The following AGO3 variants were observed in gnomAD, a reference collection of about 807,000 sequenced individuals.
AGO3 encodes protein argonaute-3.
Under a neutral mutation model 105.5 loss-of-function variants are expected in AGO3, and 16 were observed. The ratio of observed to expected loss-of-function variants is 0.15; its 90% CI spans 0.10 to 0.23. The LOEUF (loss-of-function observed/expected upper bound fraction) is 0.23, where lower values mean the gene tolerates loss of function less well. AGO3 is among the 10% of genes least tolerant of loss of function. The probability of loss-of-function intolerance (pLI) is 1.00; values close to 1 mark genes in which losing one functional copy is unlikely to be tolerated. For missense variants in AGO3, 534 were observed against 1,088.0 expected (o/e 0.49, Z 7.16); for synonymous variants, 340 against 367.3 (o/e 0.93, Z 0.85).
Position 36,027,152 on chromosome 1 carries a change from C to T in AGO3, c.1445C>T (p.Ala482Val). ...TDQLRKISKDAGMPIQGQPCF... is the reference protein window; with the variant it reads ...TDQLRKISKDVGMPIQGQPCF... ...CAGCTGCGTAAGATTTCTAAGGATG[C>T]AGGGATGCCCATCCAGGGCCAGCCA... is the stretch of plus-strand genomic sequence containing the variant. Residue 482 changes from alanine (A) to valine (V), a missense_variant, in exon 12 of 19, where the codon GCA becomes GTA. Physicochemically the swap from Ala to Val is moderately conservative, Grantham distance 64. This residue lies in a region of AGO3 where 373 missense variants were observed against 854.0 expected (regional missense o/e 0.44). Transcript: ENST00000373191. This position sits in a 1 kb window ranked among gnomAD's most constrained non-coding sequence, Gnocchi z 4.0. 1 of 1,613,926 alleles carries T rather than the reference C, an allele frequency of 6.2e-7. No individual in the cohort carries two copies. Among genetic ancestry groups the T allele is most frequent in the Non-Finnish European group, 8.5e-7 (1 of 1,179,856 alleles).
intron 2 of AGO3, among the ~76,000 whole-genome samples, chr1:35,948,014 C>G (rs1646398792): frequency 6.6e-6 from 1 of 152,056 alleles, no homozygotes; most frequent in Non-Finnish European, 1.5e-5. Flanking sequence ...TGTGATTGTG[C>G]CTGTGAACAG....
rs1458274126 is a variant in AGO3 at position 36,027,944 on chromosome 1, T to C, written c.1591+646T>C. Among the ~76,000 whole-genome samples the C allele has an allele frequency of 5.3e-5, 8 of 152,212 alleles. No homozygotes were observed. The highest frequency in any genetic ancestry group is 1.5e-5 in the Non-Finnish European group (1 of 68,042). Reference sequence around the variant, plus strand: ...TAAACTGTGTTGCTCAATATTCAGGTACTGCCGGTTCTACTACCTGTGTGA... The same window carrying C: ...TAAACTGTGTTGCTCAATATTCAGGCACTGCCGGTTCTACTACCTGTGTGA... On this transcript the variant is annotated intron_variant, in intron 12 of 18. Coordinates refer to ENST00000373191, the MANE Select transcript of AGO3 (RefSeq NM_024852.4). The surrounding 1 kb of genome is among the most constrained non-coding windows in gnomAD (Gnocchi z 4.0).
intron 1 of AGO3, among the ~76,000 whole-genome samples, chr1:35,936,720 G>A (rs1325185587): frequency 6.6e-6 from 1 of 152,168 alleles, no homozygotes; most frequent in Non-Finnish European, 1.5e-5. Flanking sequence ...GTCTATTGAT[G>A]TGAGACATTT....
intron 13 of AGO3, 127 bp downstream of exon 13, chr1:36,034,460 G>A (rs531785919): frequency 3.6e-5 from 22 of 618,234 alleles, no homozygotes; most frequent in Non-Finnish European, 5.1e-5. Context: ...TGGGAGATTC[G>A]TAGACATTTT....
intron 1 of AGO3, among the ~76,000 whole-genome samples, chr1:35,933,512 C>G (rs1203641095): frequency 6.6e-6 from 1 of 151,786 alleles, no homozygotes; most frequent in Non-Finnish European, 1.5e-5. Flanking sequence ...AATTGTGGCA[C>G]ATGTCTCCAG....
chr1:35,984,904 G>A (rs1407387476), intron 5 of AGO3, among the ~76,000 whole-genome samples: 2 of 152,118 alleles, frequency 1.3e-5, no homozygotes, highest in African/African-American at 2.4e-5. Flanking sequence ...CGATTTCTGA[G>A]GTCTCTAAGA....
intron 11 of AGO3, among the ~76,000 whole-genome samples, chr1:36,019,295 C>G (rs1641086253): frequency 6.6e-6 from 1 of 152,220 alleles, no homozygotes; most frequent in African/African-American, 2.4e-5. Flanking sequence ...CTTCCAGTGA[C>G]TATTTCATAA....
At chr1:35,939,533 G>A (rs1338360673) in intron 1 of AGO3, among the ~76,000 whole-genome samples, 1 of 152,172 alleles carries the variant, frequency 6.6e-6, no homozygotes, top group Non-Finnish European at 1.5e-5. Flanking sequence ...CTGTGTGTAT[G>A]TCAGGGCAGG....
rs189973363 is a variant in AGO3, at chr1:35,956,981, G to T, written c.192-9974G>T. On this transcript the variant is annotated intron_variant, in intron 2 of 18. Coordinates refer to ENST00000373191, the MANE Select transcript of AGO3 (RefSeq NM_024852.4). ...TCATGATTTTCAAGGAACAAAGTTT[G>T]ATTACAGTGGCAAATGCTAAACAAA... Among the ~76,000 whole-genome samples, 1,033 of 151,864 alleles carry T rather than the reference G, an allele frequency of 6.8e-3. 9 individuals are homozygous for T. Among genetic ancestry groups the T allele is most frequent in the African/African-American group, 0.022 (904 of 41,462 alleles).
Position 36,009,460 on chromosome 1 carries a change from T to C in AGO3, c.1030-15T>C. 6.2e-7 allele frequency: 1 copy of C among 1,602,660 alleles called. No individual in the cohort carries two copies. Among genetic ancestry groups the C allele is most frequent in the Non-Finnish European group, 8.5e-7 (1 of 1,176,530 alleles). The stretch of plus-strand genomic sequence containing the variant: ...AGATATATACATGTAGTACAAAACT[T>C]TTTTCCATTTGTAGGTCTGTAATAT... On this transcript the variant is annotated splice_polypyrimidine_tract_variant and intron_variant, in intron 8 of 18. Coordinates refer to ENST00000373191, the MANE Select transcript of AGO3 (RefSeq NM_024852.4).
chr1:35,951,081 C>T (rs773940233), intron 2 of AGO3, among the ~76,000 whole-genome samples: 1 of 152,060 alleles, frequency 6.6e-6, no homozygotes, highest in Non-Finnish European at 1.5e-5. Flanking sequence ...CTCAGCCTCC[C>T]GAGTAGTTGG....
intron 2 of AGO3, among the ~76,000 whole-genome samples, chr1:35,953,718 G>A (rs111243652): frequency 4.0e-5 from 6 of 151,872 alleles, no homozygotes; most frequent in Non-Finnish European, 5.9e-5. Flanking sequence ...CACTATATTG[G>A]CCAGGCTGGT....
intron 11 of AGO3, among the ~76,000 whole-genome samples, chr1:36,025,227 A>T (rs1050812697): frequency 2.0e-5 from 3 of 152,050 alleles, no homozygotes. Flanking sequence ...GAGAAATAAA[A>T]TTTTTTTCTA....
At chr1:35,957,214 G>A (rs368917371) in intron 2 of AGO3, among the ~76,000 whole-genome samples, 15 of 151,432 alleles carry the variant, frequency 9.9e-5, no homozygotes, top group African/African-American at 2.9e-4. Context: ...GCTGGGCATC[G>A]TGGTACATGC....
At chr1:35,946,820 A>C (rs1292248822) in intron 2 of AGO3, among the ~76,000 whole-genome samples, 1 of 152,232 alleles carries the variant, frequency 6.6e-6, no homozygotes, top group Non-Finnish European at 1.5e-5. Flanking sequence ...TTAACATGTA[A>C]TGCAGAGTTC....
At position 36,008,601 on chromosome 1, in the gene AGO3, T is replaced by G; in HGVS notation, c.794-89T>G. The stretch of plus-strand genomic sequence containing the variant: ...ACAGAATTTTTTGTCTGTTCAGAAT[T>G]GAGTTTTTATGGTAATGAACAGGCT... On this transcript the variant is annotated intron_variant, in intron 6 of 18. Coordinates refer to ENST00000373191, the MANE Select transcript of AGO3 (RefSeq NM_024852.4). This position sits in a 1 kb window ranked among gnomAD's most constrained non-coding sequence, Gnocchi z 5.1. 3.2e-6 allele frequency: 4 copies of G among 1,263,306 alleles called. No homozygotes were observed. The highest frequency in any genetic ancestry group is 3.3e-6 in the Non-Finnish European group (3 of 898,920). The allele number at this position is 1,263,306 out of a possible 1,614,324, so 78.3% of individuals were successfully genotyped here.
intron 5 of AGO3, among the ~76,000 whole-genome samples, chr1:35,995,265 G>T (rs998375584): frequency 2.7e-5 from 4 of 146,478 alleles, no homozygotes; most frequent in Non-Finnish European, 6.0e-5. Context: ...CTGATTCTAA[G>T]ATTTATATGC....
chr1:35,945,645 A>G, intron 1 of AGO3, 47 bp from the exon 2 acceptor site: 1 of 1,585,102 alleles, frequency 6.3e-7, no homozygotes, highest in Non-Finnish European at 8.6e-7. Flanking sequence ...AGGCTTTGGA[A>G]TACAGCTTGT....
At chr1:35,933,886 TCGAACACAAATACCA>T (rs1646100956) in intron 1 of AGO3, among the ~76,000 whole-genome samples, 1 of 152,114 alleles carries the variant, frequency 6.6e-6, no homozygotes, top group Admixed American at 6.6e-5. Flanking sequence ...TTAGGGAACC[TCGAACACAAATACCA>T]TATAAGTTAG....
Sources: allele counts gnomAD v4.1 joint callset (sites outside exome capture counted in the v4.1 genomes callset), GRCh38; gene constraint gnomAD v4.1.1; regional missense constraint gnomAD v4.1.1; non-coding constraint Gnocchi (gnomAD v3.1); transcripts MANE v1.5; gene names NCBI Gene and HGNC (gene_info 2026-07-23, HGNC 2026-07-21).